The following KIF1C variants were observed in gnomAD, a reference collection of about 807,000 sequenced individuals.
KIF1C encodes the protein kinesin family member 1C.
Under a neutral mutation model 126.5 loss-of-function variants are expected in KIF1C, and 61 were observed. The ratio of observed to expected loss-of-function variants is 0.48; its 90% CI spans 0.39 to 0.60. The LOEUF is 0.60. Ranked by LOEUF, KIF1C falls within the 20% of genes least tolerant of loss-of-function variation. KIF1C has a pLI of 0.00. For synonymous variants in KIF1C, 640 were observed against 580.6 expected (o/e 1.10, Z -1.47); for missense variants, 1,315 against 1,489.2 (o/e 0.88, Z 1.93).
At chr17:4,999,518 T>C (rs1460353348) in intron 1 of KIF1C, among the ~76,000 whole-genome samples, 2 of 152,064 alleles carry the variant, frequency 1.3e-5, no homozygotes, top group Non-Finnish European at 2.9e-5. Flanking sequence ...ATTTCTCTAA[T>C]TTTCTTGGTG....
intron 16 of KIF1C, among the ~76,000 whole-genome samples, chr17:5,008,417 C>G (rs574233475): frequency 6.6e-6 from 1 of 152,310 alleles, no homozygotes; most frequent in East Asian, 1.9e-4. Context: ...GCATGAACTT[C>G]CAGTTCCACC....
At chr17:5,009,515 C>T (rs985893416) in intron 16 of KIF1C, among the ~76,000 whole-genome samples, 1 of 151,618 alleles carries the variant, frequency 6.6e-6, no homozygotes, top group African/African-American at 2.4e-5. Context: ...TGGGTCGGGC[C>T]TGGTGGCTCA....
chr17:5,003,818 G>A (rs1235149248), intron 9 of KIF1C, 33 bp from the exon 10 acceptor site: 2 of 1,590,632 alleles, frequency 1.3e-6, no homozygotes, highest in African/African-American at 2.7e-5. Flanking sequence ...GGGAGAAGAG[G>A]GTCTCATCCC....
In KIF1C at chr17:5,022,719, GC is replaced by G; in HGVS notation, c.2628+12del. 1 of 1,510,106 alleles carries G rather than the reference GC, an allele frequency of 6.6e-7. No homozygotes were observed. Among genetic ancestry groups the G allele is most frequent in the Non-Finnish European group, 8.8e-7 (1 of 1,133,160 alleles). 93.5% of individuals were successfully genotyped at this position (1,510,106 alleles called of 1,614,324 possible). A position where few individuals can be genotyped will look rare whatever the true frequency, so the allele number is the denominator to read the frequency against. On this transcript the variant is annotated intron_variant, in intron 22 of 22. Transcript: ENST00000320785. The surrounding 1 kb of genome is among the most constrained non-coding windows in gnomAD (Gnocchi z 4.9). The stretch of plus-strand genomic sequence containing the variant: ...CATCCCCCTGGCCCAGGTAGGACTG[GC>G]CTTCTGCCTCCCTTCTCTCCTCCCT...
intron 16 of KIF1C, among the ~76,000 whole-genome samples, chr17:5,009,952 A>G (rs1974825653): frequency 1.3e-5 from 2 of 152,110 alleles, no homozygotes; most frequent in Non-Finnish European, 2.9e-5. Flanking sequence ...TTGAGACAAG[A>G]GTCACACTCT....
Position 5,022,296 on chromosome 17 carries a change from C to G in KIF1C, c.2215C>G (p.Pro739Ala). ...PQRRRLQGKDPRWATMADLKM... is the reference protein window; with the variant it reads ...PQRRRLQGKDARWATMADLKM... ...GCGACGCAGGCTGCAGGGCAAAGAC[C>G]CCCGCTGGGCCACCATGGCTGACCT... Residue 739 changes from proline (P) to alanine (A), a missense_variant, in exon 22 of 23, where the codon CCC (proline) becomes GCC (alanine). Physicochemically the swap from Pro to Ala is conservative, Grantham distance 27. Transcript: ENST00000320785. This position sits in a 1 kb window ranked among gnomAD's most constrained non-coding sequence, Gnocchi z 4.9. 1.9e-6 allele frequency: 3 copies of G among 1,612,112 alleles called. No homozygotes were observed. The highest frequency in any genetic ancestry group is 2.5e-6 in the Non-Finnish European group (3 of 1,179,132).
At chr17:5,004,746 C>G in intron 12 of KIF1C, 101 bp downstream of exon 12, 4 of 1,587,456 alleles carry the variant, frequency 2.5e-6, no homozygotes, top group Non-Finnish European at 2.6e-6. Context: ...GGGGGAGATG[C>G]CGGAGCCTTG....
intron 8 of KIF1C, 124 bp downstream of exon 8, chr17:5,002,966 T>G: frequency 1.4e-6 from 1 of 701,566 alleles, no homozygotes; most frequent in Non-Finnish European, 2.4e-6. Context: ...TCCTCAGGAC[T>G]ACCATGACCG....
chr17:5,013,474 G>A lies in KIF1C; in HGVS notation c.1492-179G>A, dbSNP rs1487856719. On this transcript the variant is annotated intron_variant, in intron 16 of 22. Coordinates refer to ENST00000320785, the MANE Select transcript of KIF1C (RefSeq NM_006612.6). ...GTGTGAGAGGTGGGAACCAAAGAAC[G>A]TCATCGGGGTGGAGGGATGACGATG... is the stretch of plus-strand genomic sequence containing the variant. Among the ~76,000 whole-genome samples the A allele has an allele frequency of 5.9e-5, 9 of 152,104 alleles. No individual in the cohort carries two copies. In the South Asian group the frequency reaches 6.2e-4, roughly 10 times the overall value.
chr17:5,002,276 T>C (rs1293603519), intron 6 of KIF1C, 152 bp downstream of exon 6: 13 of 948,938 alleles, frequency 1.4e-5, no homozygotes, highest in Non-Finnish European at 2.2e-5. Flanking sequence ...CGTATGTTCA[T>C]CTGGGAGACG....
At chr17:5,006,712 C>G (rs1974741995) in intron 13 of KIF1C, among the ~76,000 whole-genome samples, 1 of 152,112 alleles carries the variant, frequency 6.6e-6, no homozygotes, top group Admixed American at 6.5e-5. Context: ...AATGAGCTCT[C>G]CACCCCTGGA....
chr17:5,025,801 CAG>C lies in KIF1C; in HGVS notation c.*1653_*1654del, dbSNP rs1249586052. ...CGCCACTGCACTCCAGCCTGGGCGA[CAG>C]AGCGAGACTCCATTTCAAGAAAAAT... On this transcript the variant is annotated 3_prime_UTR_variant, in exon 23 of 23. Coordinates refer to ENST00000320785, the MANE Select transcript of KIF1C (RefSeq NM_006612.6). 6 of 152,236 alleles carry C rather than the reference CAG, an allele frequency of 3.9e-5. No individual in the cohort carries two copies. The highest frequency in any genetic ancestry group is 7.3e-5 in the Non-Finnish European group (5 of 68,064). 9.4% of individuals were successfully genotyped at this position (152,236 alleles called of 1,614,324 possible).
chr17:5,005,696 T>TG (rs1974711072), intron 13 of KIF1C, among the ~76,000 whole-genome samples: 1 of 151,986 alleles, frequency 6.6e-6, no homozygotes, highest in South Asian at 2.1e-4. Flanking sequence ...ACACATGACG[T>TG]GGGACCAGTT....
In KIF1C at chr17:5,020,745, G is replaced by A; in HGVS notation, c.1938-61G>A. 6.2e-7 allele frequency: 1 copy of A among 1,606,418 alleles called. No individual in the cohort carries two copies. Among genetic ancestry groups the A allele is most frequent in the Non-Finnish European group, 8.5e-7 (1 of 1,175,908 alleles). On this transcript the variant is annotated intron_variant, in intron 20 of 22. Coordinates refer to ENST00000320785, the MANE Select transcript of KIF1C (RefSeq NM_006612.6). This position sits in a 1 kb window ranked among gnomAD's most constrained non-coding sequence, Gnocchi z 5.8. ...GTCCCTCCCGGGCCTCTGGGCCCGT[G>A]TCCTCCTCTTGTCAGATACTCACCA...
chr17:5,020,583 C>G lies in KIF1C; in HGVS notation c.1842C>G (p.Pro614=), dbSNP rs1395938940. ...AACGGGAACGAGGGGTCCCCCCACCCCCAGGACCGCCCTCTGAGCCAGTCG... is the reference window on the plus strand; with the variant it reads ...AACGGGAACGAGGGGTCCCCCCACCGCCAGGACCGCCCTCTGAGCCAGTCG... ...RLERERGVPP[P]PGPPSEPVDW... The change falls in exon 20 of 23, where the codon CCC becomes CCG. Residue 614 remains proline (P), a synonymous_variant. Transcript: ENST00000320785. The surrounding 1 kb of genome is among the most constrained non-coding windows in gnomAD (Gnocchi z 5.8). 4 of 1,614,116 alleles carry G rather than the reference C, an allele frequency of 2.5e-6. No homozygotes were observed. Among genetic ancestry groups the G allele is most frequent in the Non-Finnish European group, 2.5e-6 (3 of 1,180,036 alleles).
Position 5,002,882 on chromosome 17 carries a change from C to T in KIF1C, c.720+40C>T, listed in dbSNP as rs761245069. On this transcript the variant is annotated intron_variant, in intron 8 of 22. Coordinates refer to ENST00000320785, the MANE Select transcript of KIF1C (RefSeq NM_006612.6). ...CCCCCCACTCCCCCACCGGATGCAA[C>T]CTCCCCTGGCAACAGGGACAGTGAC... 4 of 1,487,608 alleles carry T rather than the reference C, an allele frequency of 2.7e-6. No individual in the cohort carries two copies. The South Asian group carries it at 3.4e-5, about 13-fold the overall frequency. The allele number at this position is 1,487,608 out of a possible 1,614,324, so 92.2% of individuals were successfully genotyped here.
chr17:5,024,111 G>A lies in KIF1C; in HGVS notation c.3272G>A (p.Arg1091His), dbSNP rs201800868. The A allele has an allele frequency of 8.3e-5, 134 of 1,610,606 alleles. No homozygotes were observed. In the East Asian group the frequency reaches 1.7e-3, roughly 20 times the overall value. The change falls in exon 23 of 23, where the codon CGT becomes CAT. Residue 1091 changes from arginine to histidine, a missense_variant. This residue lies in a region of KIF1C where 441 missense variants were observed against 436.1 expected (regional missense o/e 1.01). Coordinates refer to ENST00000320785, the MANE Select transcript of KIF1C (RefSeq NM_006612.6). ...YTTPPRMRRQRSAPDLKESGA... is the reference protein window; with the variant it reads ...YTTPPRMRRQHSAPDLKESGA... The stretch of plus-strand genomic sequence containing the variant: ...ACTCCCCCACGAATGAGACGGCAGC[G>A]TTCTGCCCCTGACCTCAAGGAGAGT...
At position 5,007,032 on chromosome 17, in the gene KIF1C, C is replaced by T. The variant is rs750724414; in HGVS notation, c.1283C>T (p.Ser428Phe). ...THNGELEPSF[S>F]PNTESQIGPE... ...AATGGGGAGCTGGAGCCGTCATTCTCCCCCAACACGGAGTCCCAGATTGGG... is the reference window on the plus strand; with the variant it reads ...AATGGGGAGCTGGAGCCGTCATTCTTCCCCAACACGGAGTCCCAGATTGGG... Residue 428 changes from serine (S) to phenylalanine (F), a missense_variant, in exon 14 of 23, where the codon TCC (serine) becomes TTC (phenylalanine). Physicochemically the swap from Ser to Phe is radical, Grantham distance 155. Coordinates refer to ENST00000320785, the MANE Select transcript of KIF1C (RefSeq NM_006612.6). The T allele has an allele frequency of 5.0e-6, 8 of 1,608,152 alleles. No individual in the cohort carries two copies. Among genetic ancestry groups the T allele is most frequent in the Non-Finnish European group, 6.8e-6 (8 of 1,178,354 alleles).
At chr17:5,006,219 C>T (rs879421902) in intron 13 of KIF1C, among the ~76,000 whole-genome samples, 1 of 151,340 alleles carries the variant, frequency 6.6e-6, no homozygotes, top group African/African-American at 2.4e-5. Context: ...AAAAAAAGTT[C>T]GACACAGAGG....
Sources: allele counts gnomAD v4.1 joint callset (sites outside exome capture counted in the v4.1 genomes callset), GRCh38; gene constraint gnomAD v4.1.1; regional missense constraint gnomAD v4.1.1; non-coding constraint Gnocchi (gnomAD v3.1); transcripts MANE v1.5; gene names NCBI Gene and HGNC (gene_info 2026-07-23, HGNC 2026-07-21).